The following ZNF875 variants were observed in gnomAD, a reference collection of about 807,000 sequenced individuals.
ZNF875 encodes the protein HKR1, GLI-Kruppel zinc finger family member.
ZNF875 carries 14 observed loss-of-function variants against 11.2 expected under a neutral mutation model. The observed-to-expected ratio is 1.26, with a 90% CI of 0.83 to 1.96. ZNF875 has a LOEUF of 1.96. Ranked by LOEUF, ZNF875 falls within the 30% of genes most tolerant of loss-of-function variation. The pLI is 0.00. For missense variants in ZNF875, 752 were observed against 760.4 expected, an observed-to-expected ratio of 0.99 and a Z score of 0.13; for synonymous variants, 301 against 281.1, an observed-to-expected ratio of 1.07 and a Z score of -0.71.
chr19:37,352,220 G>T, intron 4 of ZNF875, among the ~76,000 whole-genome samples: 1 of 149,608 alleles, frequency 6.7e-6, no homozygotes, highest in African/African-American at 2.5e-5. Context: ...GCTACTCCAG[G>T]CTTTTTTTTT....
chr19:37,328,184 A>G (rs2032825277), intron 4 of ZNF875, among the ~76,000 whole-genome samples: 2 of 152,146 alleles, frequency 1.3e-5, no homozygotes. Flanking sequence ...GCCTGCAGTA[A>G]GCCAAGATCG....
intron 1 of ZNF875, among the ~76,000 whole-genome samples, chr19:37,318,415 G>A (rs1295142777): frequency 6.6e-6 from 1 of 152,112 alleles, no homozygotes; most frequent in African/African-American, 2.4e-5. Flanking sequence ...GATAAGGACA[G>A]CCAGTTAAAA....
chr19:37,359,468 A>T (rs2039532328), intron 4 of ZNF875: 3 of 292,152 alleles, frequency 1.0e-5, no homozygotes, highest in South Asian at 2.7e-5. Context: ...CAGTGGTGTT[A>T]TATCGGCTCA....
intron 1 of ZNF875, 156 bp downstream of exon 1, chr19:37,334,938 A>C (rs200494406): frequency 0.19 from 91,463 of 469,158 alleles, 9,899 homozygotes; most frequent in South Asian, 0.28. Flanking sequence ...GGTTAGAGAT[A>C]AACCCTCACT....
chr19:37,363,045 AGT>A lies in ZNF875; in HGVS notation c.1197_1198del (p.Cys399Ter). Reference sequence around the variant, plus strand: ...GGAGAGAAGCCTTACATTTGCAGGGAGTGTGAGCAAGGCTTTAGCCAGAAGTC... The same window carrying A: ...GGAGAGAAGCCTTACATTTGCAGGGAGTGAGCAAGGCTTTAGCCAGAAGTC... On this transcript the variant is annotated frameshift_variant, in exon 5 of 5. Transcript: ENST00000392153. LOFTEE classifies it low-confidence loss of function (END_TRUNC). 1.2e-6 allele frequency: 2 copies of A among 1,614,216 alleles called. No individual in the cohort carries two copies. The highest frequency in any genetic ancestry group is 1.7e-6 in the Non-Finnish European group (2 of 1,180,048).
intron 1 of ZNF875, among the ~76,000 whole-genome samples, chr19:37,318,737 G>A (rs1324267926): frequency 6.6e-6 from 1 of 151,962 alleles, no homozygotes; most frequent in Non-Finnish European, 1.5e-5. Flanking sequence ...TAGTCAGGAT[G>A]GTCTCTATCT....
chr19:37,360,648 CTCCTT>C (rs1336912568), intron 4 of ZNF875, among the ~76,000 whole-genome samples: 1 of 151,774 alleles, frequency 6.6e-6, no homozygotes, highest in Non-Finnish European at 1.5e-5. Context: ...TCTTCTTTTC[CTCCTT>C]TCCTTTCCTT....
intron 2 of ZNF875, among the ~76,000 whole-genome samples, chr19:37,345,851 A>G (rs2036656765): frequency 6.6e-6 from 1 of 152,184 alleles, no homozygotes; most frequent in Non-Finnish European, 1.5e-5. Flanking sequence ...TTCCAGACTC[A>G]TTTGGAAATC....
chr19:37,331,569 A>G (rs1439299315), upstream of ZNF875, among the ~76,000 whole-genome samples: 1 of 149,526 alleles, frequency 6.7e-6, no homozygotes, highest in African/African-American at 2.4e-5. Flanking sequence ...ACTCAGAGTT[A>G]AATGGATTAA....
intron 4 of ZNF875, among the ~76,000 whole-genome samples, chr19:37,361,106 CTCCT>C (rs1471012255): frequency 7.2e-6 from 1 of 139,750 alleles, no homozygotes; most frequent in Non-Finnish European, 1.5e-5. Flanking sequence ...TGTTTGTCTT[CTCCT>C]TTTTTTTTTT....
upstream of ZNF875, chr19:37,315,045 A>G (rs1453913580): frequency 1.3e-5 from 2 of 151,526 alleles, no homozygotes; most frequent in Non-Finnish European, 2.9e-5. Context: ...GTTCCCCCCA[A>G]CTCCCCTAAC....
At chr19:37,361,788 A>G (rs502546) in intron 4 of ZNF875, among the ~76,000 whole-genome samples, 109,112 of 151,796 alleles carry the variant, frequency 0.72, 40,370 homozygotes, top group African/African-American at 0.91. Context: ...GTAGTCTTGG[A>G]CGCCTGTAAT....
At chr19:37,340,082 A>C (rs184392938) in intron 2 of ZNF875, among the ~76,000 whole-genome samples, 2,013 of 152,108 alleles carry the variant, frequency 0.013, 41 homozygotes, top group Admixed American at 0.052. Flanking sequence ...TCCCAGGTTC[A>C]AGTGATTCTC....
upstream of ZNF875, chr19:37,315,398 T>C (rs973080090): frequency 7.9e-5 from 12 of 152,222 alleles, no homozygotes; most frequent in Admixed American, 7.2e-4. Flanking sequence ...TTATACATAT[T>C]TTCTGCAAAT....
chr19:37,340,343 G>A (rs940508316), intron 2 of ZNF875, among the ~76,000 whole-genome samples: 2 of 152,036 alleles, frequency 1.3e-5, no homozygotes. Context: ...TTTGATTACC[G>A]GGGTAGACCT....
chr19:37,356,456 CT>C (rs1250844655), intron 4 of ZNF875, among the ~76,000 whole-genome samples: 1 of 152,072 alleles, frequency 6.6e-6, no homozygotes, highest in Non-Finnish European at 1.5e-5. Context: ...GTTTGTTTAA[CT>C]TTTTAATAAT....
chr19:37,317,586 C>T (rs1345483341), upstream of ZNF875, among the ~76,000 whole-genome samples: 1 of 152,236 alleles, frequency 6.6e-6, no homozygotes, highest in African/African-American at 2.4e-5. Flanking sequence ...TGCAAATCTC[C>T]ACCAAAGTGC....
chr19:37,325,510 A>G (rs879388877), intron 4 of ZNF875, among the ~76,000 whole-genome samples: 3 of 152,120 alleles, frequency 2.0e-5, no homozygotes, highest in Non-Finnish European at 1.5e-5. Flanking sequence ...ATATCACTTC[A>G]ACATCTTATC....
upstream of ZNF875, among the ~76,000 whole-genome samples, chr19:37,330,827 TC>T (rs370321026): frequency 2.1e-3 from 313 of 152,278 alleles, no homozygotes; most frequent in African/African-American, 6.7e-3. Flanking sequence ...AGTTTGTTCT[TC>T]CCCTTTTGTG....
Sources: gnomAD v4.1 joint callset for allele counts (sites outside exome capture counted in the v4.1 genomes callset) on GRCh38, gnomAD v4.1.1 for gene constraint, MANE v1.5 for transcripts, NCBI Gene and HGNC (gene_info 2026-07-23, HGNC 2026-07-21) for gene names.